Variants in TOX3 observed in about 807,000 individuals in gnomAD.
TOX3 encodes the protein TOX high mobility group box family member 3.
In TOX3, 22 loss-of-function variants were observed where a neutral mutation model predicts 64.3. The ratio of observed to expected loss-of-function variants is 0.34; its 90% CI spans 0.24 to 0.49. The LOEUF (loss-of-function observed/expected upper bound fraction) is 0.49. Ranked by LOEUF, TOX3 falls within the 20% of genes least tolerant of loss-of-function variation. TOX3 has a pLI of 0.99. For synonymous variants in TOX3, 291 were observed against 273.6 expected (o/e 1.06, Z -0.63); for missense variants, 661 against 714.4 (o/e 0.93, Z 0.85).
intron 5 of TOX3, chr16:52,445,780 G>A (rs1195888114): frequency 1.9e-6 from 1 of 531,304 alleles, no homozygotes; most frequent in Non-Finnish European, 3.3e-6. Context: ...CTCTGAATGG[G>A]TTCTGAACAT....
chr16:52,477,162 A>C (rs893361859), intron 1 of TOX3, among the ~76,000 whole-genome samples: 1 of 152,094 alleles, frequency 6.6e-6, no homozygotes, highest in Non-Finnish European at 1.5e-5. Flanking sequence ...GGCAAAAAGG[A>C]GGGAGTGAGT....
At chr16:52,515,006 C>A (rs1962412268) in intron 1 of TOX3, among the ~76,000 whole-genome samples, 2 of 75,010 alleles carry the variant, frequency 2.7e-5, no homozygotes, top group African/African-American at 6.1e-5. Flanking sequence ...AGCGAGACTC[C>A]ATCTCAAAAA....
chr16:52,468,628 G>C (rs1960939048), intron 1 of TOX3, 54 bp from the exon 2 acceptor site: 1 of 1,398,942 alleles, frequency 7.1e-7, no homozygotes, highest in Non-Finnish European at 1.0e-6. Context: ...AAGCATTCTG[G>C]CTGTGATTTG....
intron 3 of TOX3, among the ~76,000 whole-genome samples, chr16:52,454,240 CAA>C (rs746721405): frequency 1.4e-4 from 19 of 139,538 alleles, no homozygotes; most frequent in African/African-American, 4.7e-4. Flanking sequence ...TATTTCATTA[CAA>C]AAAAAAAAAA....
At chr16:52,497,385 C>G (rs1961876295) in intron 1 of TOX3, among the ~76,000 whole-genome samples, 1 of 152,210 alleles carries the variant, frequency 6.6e-6, no homozygotes, top group Non-Finnish European at 1.5e-5. Context: ...ACTCTGCCTA[C>G]AGCTGAAGAA....
intron 1 of TOX3, among the ~76,000 whole-genome samples, chr16:52,522,411 G>T (rs1188235971): frequency 6.6e-6 from 1 of 152,172 alleles, no homozygotes; most frequent in African/African-American, 2.4e-5. Context: ...CAGGACCTCA[G>T]ACAACACTAC....
At chr16:52,508,979 G>A (rs956266709) in intron 1 of TOX3, among the ~76,000 whole-genome samples, 1 of 152,064 alleles carries the variant, frequency 6.6e-6, no homozygotes, top group Non-Finnish European at 1.5e-5. Flanking sequence ...TCTCAAAAAG[G>A]AACATTAGAC....
intron 6 of TOX3, among the ~76,000 whole-genome samples, chr16:52,440,977 T>G (rs2151738610): frequency 6.6e-6 from 1 of 152,136 alleles, no homozygotes; most frequent in Non-Finnish European, 1.5e-5. Flanking sequence ...TTAGCCAGGA[T>G]GGTCTTGATC....
intron 1 of TOX3, among the ~76,000 whole-genome samples, chr16:52,476,326 T>C (rs368986547): frequency 6.6e-6 from 1 of 152,144 alleles, no homozygotes; most frequent in South Asian, 2.1e-4. Flanking sequence ...TCTGGACACA[T>C]TTGAGTCTGT....
At chr16:52,482,990 T>G (rs1022876105) in intron 1 of TOX3, among the ~76,000 whole-genome samples, 7 of 152,088 alleles carry the variant, frequency 4.6e-5, no homozygotes, top group Non-Finnish European at 8.8e-5. Flanking sequence ...CATATCAAGA[T>G]TAATATTGAA....
chr16:52,450,160 T>G, intron 4 of TOX3, 117 bp downstream of exon 4: 1 of 1,233,060 alleles, frequency 8.1e-7, no homozygotes, highest in Non-Finnish European at 1.1e-6. Context: ...ATCATACATT[T>G]AAATGCTACT....
chr16:52,527,605 G>A (rs1009815177), intron 1 of TOX3, among the ~76,000 whole-genome samples: 3 of 152,184 alleles, frequency 2.0e-5, no homozygotes, highest in Non-Finnish European at 4.4e-5. Context: ...GCTGAAACAC[G>A]CGTAGATTAT....
intron 1 of TOX3, among the ~76,000 whole-genome samples, chr16:52,515,193 AAAAAAGAAAAAG>A (rs1555487072): frequency 6.6e-6 from 1 of 150,996 alleles, no homozygotes; most frequent in South Asian, 2.1e-4. Context: ...GTTAAAAAAA[AAAAAAGAAAAAG>A]AAAAAGAAAG....
At chr16:52,488,003 A>C (rs1961576621) in intron 1 of TOX3, among the ~76,000 whole-genome samples, 1 of 152,220 alleles carries the variant, frequency 6.6e-6, no homozygotes, top group Non-Finnish European at 1.5e-5. Flanking sequence ...CTGAGGTCCT[A>C]TCAGTTATCT....
rs145293811 is a variant in TOX3 at position 52,527,544 on chromosome 16, G to A, written c.87+19093C>T. Among the ~76,000 whole-genome samples, 7 of 152,240 alleles carry A rather than the reference G, an allele frequency of 4.6e-5. No individual in the cohort carries two copies. In the East Asian group the frequency reaches 1.4e-3, roughly 29 times the overall value. On this transcript the variant is annotated intron_variant, in intron 1 of 6. Transcript: ENST00000219746. The stretch of plus-strand genomic sequence containing the variant: ...TGAAAAGTCTTTTTGCTAACCTAGA[G>A]GTATTCTCTAACAGAAAGAGGGAGA...
rs1450931390 is a variant in TOX3 at position 52,439,489 on chromosome 16, G to A, written c.1467C>T (p.His489=). ...QQHFQHHMQQ[H]LQQQQQHLQQ... ...GGAGATGCTGCTGCTGCTGCTGCAG[G>A]TGCTGCTGCATGTGGTGCTGGAAAT... Residue 489 remains histidine, a synonymous_variant, in exon 7 of 7, where the codon CAC becomes CAT. Transcript: ENST00000219746. 7.2e-7 allele frequency: 1 copy of A among 1,380,906 alleles called. No individual in the cohort carries two copies. The highest frequency in any genetic ancestry group is 1.0e-6 in the Non-Finnish European group (1 of 991,944). 85.5% of individuals were successfully genotyped at this position (1,380,906 alleles called of 1,614,324 possible). A position where few individuals can be genotyped will look rare whatever the true frequency, so the allele number is the denominator to read the frequency against.
At chr16:52,449,465 A>C (rs1175952997) in intron 4 of TOX3, among the ~76,000 whole-genome samples, 4 of 152,128 alleles carry the variant, frequency 2.6e-5, no homozygotes, top group African/African-American at 9.7e-5. Context: ...TCTTCCTCAA[A>C]TCACTCTCCC....
At chr16:52,521,239 T>A (rs1962600257) in intron 1 of TOX3, among the ~76,000 whole-genome samples, 1 of 152,190 alleles carries the variant, frequency 6.6e-6, no homozygotes, top group Non-Finnish European at 1.5e-5. Context: ...AAAATGGAAA[T>A]GCTTTCTATG....
intron 1 of TOX3, among the ~76,000 whole-genome samples, chr16:52,474,067 T>C (rs1194806579): frequency 6.6e-6 from 1 of 152,124 alleles, no homozygotes; most frequent in African/African-American, 2.4e-5. Context: ...TCAGTAAACA[T>C]CTTAGACCTA....
Sources: allele counts gnomAD v4.1 joint callset (sites outside exome capture counted in the v4.1 genomes callset), GRCh38; gene constraint gnomAD v4.1.1; transcripts MANE v1.5; gene names NCBI Gene and HGNC (gene_info 2026-07-23, HGNC 2026-07-21).